Variants in PAX7 observed in about 807,000 individuals in gnomAD.
PAX7 encodes the protein paired box 7, also known as paired box protein Pax-7.
PAX7 carries 18 observed loss-of-function variants against 50.7 expected under a neutral mutation model. The ratio of observed to expected loss-of-function variants is 0.36; its 90% CI spans 0.25 to 0.53. PAX7 has a LOEUF of 0.53. Among genes scored for constraint, PAX7 ranks in the 20% least tolerant of loss-of-function variants. PAX7 has a pLI of 0.93. For missense variants in PAX7, 644 were observed against 702.9 expected (o/e 0.92, Z 0.95); for synonymous variants, 310 against 290.4 (o/e 1.07, Z -0.69).
intron 8 of PAX7, among the ~76,000 whole-genome samples, chr1:18,740,961 G>GA (rs746816610): frequency 2.6e-4 from 39 of 152,180 alleles, no homozygotes; most frequent in Admixed American, 1.4e-3. Context: ...TGGAGGTAGA[G>GA]AGTCAAATGA....
chr1:18,718,351 C>G (rs1474899480), intron 7 of PAX7, among the ~76,000 whole-genome samples: 1 of 152,166 alleles, frequency 6.6e-6, no homozygotes, highest in Non-Finnish European at 1.5e-5. Flanking sequence ...GGCGATTGAG[C>G]TAGAGTCAGT....
chr1:18,723,721 G>T (rs753140975), intron 7 of PAX7, among the ~76,000 whole-genome samples: 1 of 152,202 alleles, frequency 6.6e-6, no homozygotes, highest in African/African-American at 2.4e-5. Context: ...CCATGGCGGG[G>T]GGACCCAAAT....
In PAX7 at chr1:18,726,416, T is replaced by C. The variant is rs1325426156; in HGVS notation, c.1156-9216T>C. 1.3e-5 allele frequency among the ~76,000 whole-genome samples: 2 copies of C among 152,228 alleles called. No individual in the cohort carries two copies. Among genetic ancestry groups the C allele is most frequent in the Non-Finnish European group, 2.9e-5 (2 of 68,034 alleles). ...ATAAAAAGATAAATTCATTTCTTCA[T>C]TCATGAATTCCTCACTTAGCAAATG... On this transcript the variant is annotated intron_variant, in intron 7 of 8. Transcript: ENST00000420770. The surrounding 1 kb of genome is among the most constrained non-coding windows in gnomAD (Gnocchi z 4.8).
intron 4 of PAX7, among the ~76,000 whole-genome samples, chr1:18,670,761 C>T (rs1056097565): frequency 1.3e-5 from 2 of 152,194 alleles, no homozygotes; most frequent in Non-Finnish European, 2.9e-5. Flanking sequence ...CGGGCCCGTG[C>T]GAGTCCCTCC....
chr1:18,744,693 G>GATGGATGGATGGATGGATAGATAA (rs1557564733), intron 8 of PAX7, 121 bp from the exon 9 acceptor site: 2 of 322,486 alleles, frequency 6.2e-6, no homozygotes, highest in Admixed American at 5.0e-5. Flanking sequence ...TGGATAAATG[G>GATGGATGGATGGATGGATAGATAA]ATGGATGGAT....
At chr1:18,635,493 A>AGAAG (rs759818785) in intron 3 of PAX7, among the ~76,000 whole-genome samples, 4 of 68,792 alleles carry the variant, frequency 5.8e-5, no homozygotes, top group Admixed American at 1.4e-4. Flanking sequence ...AAAGGGAGGA[A>AGAAG]GAAGGAAGGA....
chr1:18,704,513 G>A, intron 7 of PAX7, among the ~76,000 whole-genome samples: 1 of 152,122 alleles, frequency 6.6e-6, no homozygotes, highest in East Asian at 1.9e-4. Flanking sequence ...TCAGCTACTT[G>A]GGAGGCTGAG....
chr1:18,725,142 G>C (rs2089542594), intron 7 of PAX7, among the ~76,000 whole-genome samples: 1 of 152,152 alleles, frequency 6.6e-6, no homozygotes, highest in African/African-American at 2.4e-5. Context: ...TTCCTGGGAG[G>C]GGGCAAGCCG....
chr1:18,650,204 G>A (rs780391993), intron 4 of PAX7, among the ~76,000 whole-genome samples: 1 of 152,230 alleles, frequency 6.6e-6, no homozygotes, highest in Non-Finnish European at 1.5e-5. Flanking sequence ...TTGGTCTTCA[G>A]AGATAAGGTG....
At chr1:18,644,739 G>A (rs2088311546) in intron 4 of PAX7, among the ~76,000 whole-genome samples, 1 of 152,242 alleles carries the variant, frequency 6.6e-6, no homozygotes, top group Non-Finnish European at 1.5e-5. Flanking sequence ...CCAAAACAGA[G>A]CGGAGAGCTT....
Position 18,669,846 on chromosome 1 carries a change from G to A in PAX7, c.587-21908G>A, listed in dbSNP as rs571486196. On this transcript the variant is annotated intron_variant, in intron 4 of 8. Transcript: ENST00000420770. Reference sequence around the variant, plus strand: ...TAATCCACAAAAAGCCCTTAATAGGGAGGCCAAGGCAGGTGGATCACGAGG... The same window carrying A: ...TAATCCACAAAAAGCCCTTAATAGGAAGGCCAAGGCAGGTGGATCACGAGG... Among the ~76,000 whole-genome samples the A allele has an allele frequency of 2.0e-5, 3 of 152,322 alleles. No homozygotes were observed. In the South Asian group the frequency reaches 6.2e-4, roughly 32 times the overall value.
intron 7 of PAX7, among the ~76,000 whole-genome samples, chr1:18,718,141 A>T (rs149722978): frequency 9.6e-4 from 146 of 152,340 alleles, no homozygotes; most frequent in African/African-American, 3.3e-3. Flanking sequence ...CAGGAGAGCC[A>T]GCATGTTTGG....
In PAX7 at chr1:18,747,621, G is replaced by A. The variant is rs79146757; in HGVS notation, c.*2692G>A. The A allele has an allele frequency of 6.0e-3, 1,264 of 210,440 alleles. 12 individuals carry two copies. Among genetic ancestry groups the A allele is most frequent in the African/African-American group, 0.023 (993 of 44,092 alleles). The allele number at this position is 210,440 out of a possible 1,614,324, so 13.0% of individuals were successfully genotyped here. On this transcript the variant is annotated 3_prime_UTR_variant, in exon 9 of 9. Transcript: ENST00000420770. ...AGGTCTGGGTTCCAGTGGCCAGGCC[G>A]TCCCAGAAACAACCCCCATCCATCC... is the stretch of plus-strand genomic sequence containing the variant.
chr1:18,689,198 C>T (rs1466700974), intron 4 of PAX7, among the ~76,000 whole-genome samples: 1 of 152,250 alleles, frequency 6.6e-6, no homozygotes. Context: ...CAGACAAATG[C>T]CTGCTTCCTT....
chr1:18,668,531 T>C (rs2088699717), intron 4 of PAX7, among the ~76,000 whole-genome samples: 1 of 152,048 alleles, frequency 6.6e-6, no homozygotes, highest in South Asian at 2.1e-4. Context: ...TGAGACCCCA[T>C]CTTTACAAAA....
At chr1:18,738,579 T>C (rs1037914160) in intron 8 of PAX7, among the ~76,000 whole-genome samples, 15 of 150,050 alleles carry the variant, frequency 1.0e-4, no homozygotes, top group Admixed American at 1.0e-3. Context: ...TTCCATCCTC[T>C]CTTTCCACTC....
rs754994684 is a variant in PAX7 at position 18,636,337 on chromosome 1, C to A, written c.552C>A (p.Ala184=). The A allele has an allele frequency of 4.0e-5, 64 of 1,614,090 alleles. No homozygotes were observed. The highest frequency in any genetic ancestry group is 5.3e-5 in the Non-Finnish European group (63 of 1,180,026). The change falls in exon 4 of 9, where the codon GCC becomes GCA. Residue 184 remains alanine, a synonymous_variant. Coordinates refer to ENST00000420770, the MANE Select transcript of PAX7 (RefSeq NM_001135254.2). This position sits in a 1 kb window ranked among gnomAD's most constrained non-coding sequence, Gnocchi z 5.1. ...AGGAGGACGACGGCGAAAAGAAGGC[C>A]AAACACAGCATCGACGGCATCCTGG... ...DKKEDDGEKK[A]KHSIDGILGD...
chr1:18,713,808 G>A (rs552362406), intron 7 of PAX7, among the ~76,000 whole-genome samples: 1 of 152,310 alleles, frequency 6.6e-6, no homozygotes, highest in Non-Finnish European at 1.5e-5. Flanking sequence ...AGGGGTAGGA[G>A]GTTGGTGCCG....
chr1:18,708,411 C>T (rs1412984409), intron 7 of PAX7, among the ~76,000 whole-genome samples: 1 of 151,902 alleles, frequency 6.6e-6, no homozygotes, highest in Non-Finnish European at 1.5e-5. Context: ...AAAAATTAGC[C>T]AGATACGGTG....
Sources: gnomAD v4.1 joint callset for allele counts (sites outside exome capture counted in the v4.1 genomes callset) on GRCh38, gnomAD v4.1.1 for gene constraint, Gnocchi (gnomAD v3.1) non-coding constraint, MANE v1.5 for transcripts, NCBI Gene and HGNC (gene_info 2026-07-23, HGNC 2026-07-21) for gene names.